Variants in SLC25A37 observed in about 807,000 individuals in gnomAD.
SLC25A37 encodes the protein solute carrier family 25 member 37, also known as mitoferrin-1.
In SLC25A37, 17 loss-of-function variants were observed where a neutral mutation model predicts 31.0. The observed-to-expected ratio is 0.55, with a 90% CI of 0.38 to 0.82. The LOEUF is 0.82. Among genes scored for constraint, SLC25A37 ranks in the 40% least tolerant of loss-of-function variants. The pLI is 0.00. For synonymous variants in SLC25A37, 222 were observed against 193.0 expected (o/e 1.15, Z -1.24); for missense variants, 404 against 465.8 (o/e 0.87, Z 1.22).
At chr8:23,545,485 C>T (rs1476456919) in intron 1 of SLC25A37, among the ~76,000 whole-genome samples, 3 of 152,186 alleles carry the variant, frequency 2.0e-5, no homozygotes, top group Admixed American at 1.3e-4. Context: ...CTTTGGAAAC[C>T]GAGTCCTGTT....
Position 23,572,246 on chromosome 8 carries a change from A to T in SLC25A37, c.*391A>T, listed in dbSNP as rs1219383550. The stretch of plus-strand genomic sequence containing the variant: ...AAAAAAAAAAAAAAAAAAAAAAAAA[A>T]AATTTATGTATATAAAAGTTGCATT... On this transcript the variant is annotated 3_prime_UTR_variant, in exon 4 of 4. Coordinates refer to ENST00000519973, the MANE Select transcript of SLC25A37 (RefSeq NM_016612.4). 2.8e-5 allele frequency: 2 copies of T among 72,038 alleles called. No individual in the cohort carries two copies. Among genetic ancestry groups the T allele is most frequent in the Non-Finnish European group, 3.7e-5 (1 of 27,284 alleles). The allele number at this position is 72,038 out of a possible 1,614,324, so 4.5% of individuals were successfully genotyped here.
intron 1 of SLC25A37, among the ~76,000 whole-genome samples, chr8:23,562,698 G>T (rs1160878316): frequency 1.3e-5 from 2 of 152,108 alleles, no homozygotes; most frequent in African/African-American, 4.8e-5. Flanking sequence ...CAATATTGAT[G>T]GTTTTAGACA....
chr8:23,563,570 GGGCTACCCTCCCT>G (rs1478152432), intron 1 of SLC25A37, among the ~76,000 whole-genome samples: 1 of 152,170 alleles, frequency 6.6e-6, no homozygotes, highest in Non-Finnish European at 1.5e-5. Context: ...AAAGGATGCA[GGGCTACCCTCCCT>G]GGGACCCTGG....
At chr8:23,550,897 T>C (rs937088823) in intron 1 of SLC25A37, among the ~76,000 whole-genome samples, 3 of 152,348 alleles carry the variant, frequency 2.0e-5, no homozygotes, top group Admixed American at 2.0e-4. Flanking sequence ...CATGGGCTTC[T>C]TGGTGCCCAG....
rs1802877423 is a variant in SLC25A37, at chr8:23,572,232, A to ATTATG, written c.*377_*378insTTATG. 2 of 92,578 alleles carry ATTATG rather than the reference A, an allele frequency of 2.2e-5. No individual in the cohort carries two copies. Among genetic ancestry groups the ATTATG allele is most frequent in the African/African-American group, 3.1e-5 (1 of 32,198 alleles). The allele number at this position is 92,578 out of a possible 1,614,324, so 5.7% of individuals were successfully genotyped here. A position where few individuals can be genotyped will look rare whatever the true frequency, so the allele number is the denominator to read the frequency against. ...AAAAAAAAAAAAAAAAAAAAAAAAAAAAAAAAAAAAAAAAAATTTATGTAT... is the reference window on the plus strand; with the variant it reads ...AAAAAAAAAAAAAAAAAAAAAAAAAATTATGAAAAAAAAAAAAAAAATTTATGTAT... On this transcript the variant is annotated 3_prime_UTR_variant, in exon 4 of 4. Coordinates refer to ENST00000519973, the MANE Select transcript of SLC25A37 (RefSeq NM_016612.4).
chr8:23,547,196 C>T (rs35617675), intron 1 of SLC25A37, among the ~76,000 whole-genome samples: 21,547 of 152,114 alleles, frequency 0.14, 1,999 homozygotes, highest in Admixed American at 0.25. Flanking sequence ...AAACAGATTT[C>T]GGATCTCACC....
chr8:23,571,677 C>T lies in SLC25A37; in HGVS notation c.839C>T (p.Ser280Leu), dbSNP rs775096953. ...CTGGCCAACATCAGCGGCCGGCTGT[C>T]GGGTATGGCCAATGCCTTCCGGACG... ...LSLANISGRLSGMANAFRTVY... is the reference protein window; with the variant it reads ...LSLANISGRLLGMANAFRTVY... Residue 280 changes from serine (S) to leucine (L), a missense_variant, in exon 4 of 4, where the codon TCG (serine) becomes TTG (leucine). Ser to Leu is a moderately radical substitution (Grantham distance 145). Around this residue, in one of 3 missense-constraint regions of SLC25A37, gnomAD observed 243 missense variants for 284.4 expected, o/e 0.85. Transcript: ENST00000519973. The T allele has an allele frequency of 1.2e-6, 2 of 1,613,796 alleles. No individual in the cohort carries two copies. Among genetic ancestry groups the T allele is most frequent in the South Asian group, 1.1e-5 (1 of 91,082 alleles).
rs1481194574 is a variant in SLC25A37 at position 23,529,868 on chromosome 8, A to G, written c.210+656A>G. On this transcript the variant is annotated intron_variant, in intron 1 of 3. Coordinates refer to ENST00000519973, the MANE Select transcript of SLC25A37 (RefSeq NM_016612.4). The surrounding 1 kb of genome is among the most constrained non-coding windows in gnomAD (Gnocchi z 4.1). ...TGGGTCGCCGAGCCGCCGGGAGGCAATGACGTTTGCCTTCTCCTTTTGCTT... is the reference window on the plus strand; with the variant it reads ...TGGGTCGCCGAGCCGCCGGGAGGCAGTGACGTTTGCCTTCTCCTTTTGCTT... Among the ~76,000 whole-genome samples, 1 of 149,778 alleles carries G rather than the reference A, an allele frequency of 6.7e-6. No homozygotes were observed. The highest frequency in any genetic ancestry group is 1.5e-5 in the Non-Finnish European group (1 of 67,988).
chr8:23,553,237 A>G (rs1168006169), intron 1 of SLC25A37, among the ~76,000 whole-genome samples: 1 of 152,134 alleles, frequency 6.6e-6, no homozygotes, highest in Non-Finnish European at 1.5e-5. Context: ...CCTGGACAAC[A>G]TGGTGAAACC....
intron 1 of SLC25A37, among the ~76,000 whole-genome samples, chr8:23,540,803 C>T (rs995011094): frequency 2.0e-5 from 3 of 152,182 alleles, no homozygotes; most frequent in Non-Finnish European, 2.9e-5. Context: ...GGAGGGGTAA[C>T]GGTGCCCATC....
intron 1 of SLC25A37, among the ~76,000 whole-genome samples, chr8:23,560,258 C>A (rs1025649446): frequency 3.9e-5 from 6 of 152,068 alleles, no homozygotes; most frequent in Admixed American, 1.3e-4. Flanking sequence ...ATAGGTGAGA[C>A]CCTGTCTTAA....
intron 1 of SLC25A37, chr8:23,541,619 G>A (rs1801895813): frequency 6.6e-6 from 1 of 152,320 alleles, no homozygotes; most frequent in African/African-American, 2.4e-5. Flanking sequence ...GCAGCCTGCA[G>A]GAAGCTGGCC....
chr8:23,561,188 A>G (rs975721975), intron 1 of SLC25A37, among the ~76,000 whole-genome samples: 3 of 152,152 alleles, frequency 2.0e-5, no homozygotes, highest in Non-Finnish European at 4.4e-5. Context: ...TAGTGAGTTT[A>G]GGGCCCTGAG....
At chr8:23,566,492 ACGCACGCACACACACG>A in intron 2 of SLC25A37, 156 bp downstream of exon 2, 1 of 1,388,578 alleles carries the variant, frequency 7.2e-7, no homozygotes, top group Non-Finnish European at 9.3e-7. Flanking sequence ...ACCCAGACAC[ACGCACGCACACACACG>A]CGCGCGCACA....
chr8:23,544,687 A>G (rs971425553), intron 1 of SLC25A37, among the ~76,000 whole-genome samples: 3 of 152,176 alleles, frequency 2.0e-5, no homozygotes, highest in African/African-American at 7.2e-5. Context: ...ACTAAACTGT[A>G]TGATTCTCTG....
chr8:23,535,214 G>A (rs552583821), intron 1 of SLC25A37, among the ~76,000 whole-genome samples: 1 of 152,296 alleles, frequency 6.6e-6, no homozygotes, highest in East Asian at 1.9e-4. Context: ...CTTGGGCAGC[G>A]AAGCCCTTCA....
chr8:23,552,608 C>T (rs575433299), intron 1 of SLC25A37, among the ~76,000 whole-genome samples: 3 of 152,242 alleles, frequency 2.0e-5, no homozygotes, highest in South Asian at 2.1e-4. Context: ...GACTGTTTGA[C>T]GCCCTTCCCA....
intron 1 of SLC25A37, among the ~76,000 whole-genome samples, chr8:23,542,376 A>ATTTTTTT (rs1801917022): frequency 1.0e-5 from 1 of 97,106 alleles, no homozygotes; most frequent in African/African-American, 5.5e-5. Flanking sequence ...GTGTACTCCT[A>ATTTTTTT]CTTTTTTTTT....
rs1802216634 is a variant in SLC25A37 at position 23,551,218 on chromosome 8, CCT to C, written c.211-14885_211-14884del. On this transcript the variant is annotated intron_variant, in intron 1 of 3. Transcript: ENST00000519973. ...TGATAATAGTGATTTCCCTGCCCCA[CCT>C]CTCTGCCAGCTATCTAAGTTTTCTT... 2.0e-5 allele frequency among the ~76,000 whole-genome samples: 3 copies of C among 152,336 alleles called. No homozygotes were observed. The South Asian group carries it at 6.2e-4, about 32-fold the overall frequency.
Sources: allele counts gnomAD v4.1 joint callset (sites outside exome capture counted in the v4.1 genomes callset), GRCh38; gene constraint gnomAD v4.1.1; regional missense constraint gnomAD v4.1.1; non-coding constraint Gnocchi (gnomAD v3.1); transcripts MANE v1.5; gene names NCBI Gene and HGNC (gene_info 2026-07-23, HGNC 2026-07-21).